CTNNA3: variants seen among roughly 807,000 people sequenced by gnomAD.
CTNNA3 encodes catenin alpha 3, also known as catenin alpha-3.
Under a neutral mutation model 95.7 loss-of-function variants are expected in CTNNA3, and 76 were observed. That is an observed-to-expected ratio of 0.79 (90% CI 0.66 to 0.96). The LOEUF (loss-of-function observed/expected upper bound fraction) is 0.96, where lower values mean the gene tolerates loss of function less well. Ranked by LOEUF, CTNNA3 falls within the 40% of genes least tolerant of loss-of-function variation. CTNNA3 has a pLI of 0.00. For synonymous variants in CTNNA3, 431 were observed against 374.4 expected (o/e 1.15, Z -1.74); for missense variants, 1,191 against 1,089.8 (o/e 1.09, Z -1.31).
chr10:66,485,618 C>A (rs1839699125), intron 11 of CTNNA3, among the ~76,000 whole-genome samples: 1 of 151,918 alleles, frequency 6.6e-6, no homozygotes, highest in Admixed American at 6.6e-5. Context: ...GAAATATGTA[C>A]CATGTACATG....
At chr10:66,380,430 C>A (rs1350787911) in intron 11 of CTNNA3, among the ~76,000 whole-genome samples, 1 of 151,826 alleles carries the variant, frequency 6.6e-6, no homozygotes, top group Non-Finnish European at 1.5e-5. Flanking sequence ...GAAAACACAG[C>A]AAGACCCTTT....
chr10:67,155,524 AAT>A (rs940510750), intron 7 of CTNNA3, among the ~76,000 whole-genome samples: 1 of 91,368 alleles, frequency 1.1e-5, no homozygotes, highest in African/African-American at 6.5e-5. Context: ...TGTTTGTATT[AAT>A]ATATGTGTGT....
At chr10:66,246,210 G>T (rs2090317446) in intron 13 of CTNNA3, among the ~76,000 whole-genome samples, 1 of 152,234 alleles carries the variant, frequency 6.6e-6, no homozygotes, top group African/African-American at 2.4e-5. Context: ...CCAGGCAGCA[G>T]GAGCAGGCAC....
chr10:66,523,374 A>G (rs1056642753), intron 10 of CTNNA3, among the ~76,000 whole-genome samples: 1 of 152,186 alleles, frequency 6.6e-6, no homozygotes, highest in Non-Finnish European at 1.5e-5. Flanking sequence ...ATCTGATTCA[A>G]CACTGCACAC....
intron 7 of CTNNA3, among the ~76,000 whole-genome samples, chr10:66,821,750 TCA>T (rs1283333522): frequency 6.6e-6 from 1 of 152,206 alleles, no homozygotes; most frequent in Non-Finnish European, 1.5e-5. Flanking sequence ...CTGTGAACAC[TCA>T]GTCTGCTAGT....
At chr10:67,105,078 G>T (rs1198577216) in intron 7 of CTNNA3, among the ~76,000 whole-genome samples, 1 of 151,946 alleles carries the variant, frequency 6.6e-6, no homozygotes, top group East Asian at 1.9e-4. Context: ...AAGGGCATGT[G>T]ATTTATTATT....
intron 13 of CTNNA3, among the ~76,000 whole-genome samples, chr10:66,217,900 G>A (rs533864543): frequency 2.7e-5 from 4 of 148,858 alleles, no homozygotes; most frequent in African/African-American, 5.0e-5. Flanking sequence ...ACCAGACTGC[G>A]GGTACCAGAT....
intron 5 of CTNNA3, among the ~76,000 whole-genome samples, chr10:67,235,642 A>G (rs1328583929): frequency 3.5e-5 from 5 of 142,852 alleles, no homozygotes; most frequent in African/African-American, 1.4e-4. Context: ...AGCAATGGCA[A>G]CAAAAGCCAA....
At chr10:67,240,710 A>G (rs1464689880) in intron 5 of CTNNA3, among the ~76,000 whole-genome samples, 1 of 152,200 alleles carries the variant, frequency 6.6e-6, no homozygotes, top group African/African-American at 2.4e-5. Context: ...ATTCTGGGCC[A>G]TTAATGCATA....
chr10:66,909,771 G>T (rs1846143223), intron 7 of CTNNA3, among the ~76,000 whole-genome samples: 1 of 152,080 alleles, frequency 6.6e-6, no homozygotes, highest in African/African-American at 2.4e-5. Flanking sequence ...CACATCTTGG[G>T]TAACAGATTT....
intron 15 of CTNNA3, among the ~76,000 whole-genome samples, chr10:66,016,591 T>A (rs759336932): frequency 1.3e-5 from 2 of 152,196 alleles, no homozygotes; most frequent in African/African-American, 4.8e-5. Flanking sequence ...TGGATTACTG[T>A]CTAAAGAGTG....
Position 66,448,698 on chromosome 10 carries a change from G to A in CTNNA3, c.1532-69346C>T, listed in dbSNP as rs181687568. ...GTTGTGGGGTGGGGGAAGGGGGGTG[G>A]GATAGCATTAGGAGATATATCTGAT... On this transcript the variant is annotated intron_variant, in intron 11 of 17. Coordinates refer to ENST00000433211, the MANE Select transcript of CTNNA3 (RefSeq NM_013266.4). Among the ~76,000 whole-genome samples, 16 of 151,676 alleles carry A rather than the reference G, an allele frequency of 1.1e-4. No homozygotes were observed. The East Asian group carries it at 3.1e-3, about 30-fold the overall frequency.
chr10:66,436,453 T>C (rs1023527084), intron 11 of CTNNA3, among the ~76,000 whole-genome samples: 2 of 151,964 alleles, frequency 1.3e-5, no homozygotes, highest in African/African-American at 2.4e-5. Context: ...TTTTTTATCT[T>C]TGTTGGTTTA....
intron 12 of CTNNA3, among the ~76,000 whole-genome samples, chr10:66,297,172 G>A (rs2091793021): frequency 6.6e-6 from 1 of 152,022 alleles, no homozygotes; most frequent in Admixed American, 6.6e-5. Flanking sequence ...TGGGGGGTTG[G>A]AAGGAATCCA....
intron 7 of CTNNA3, among the ~76,000 whole-genome samples, chr10:66,864,557 C>T (rs1049048390): frequency 6.6e-6 from 1 of 152,246 alleles, no homozygotes. Context: ...TATTAACATA[C>T]ACTAAAGAAA....
chr10:67,218,530 C>T (rs1864495192), intron 6 of CTNNA3, among the ~76,000 whole-genome samples: 1 of 152,142 alleles, frequency 6.6e-6, no homozygotes, highest in Admixed American at 6.5e-5. Flanking sequence ...TTCCTCTATC[C>T]AGTCCCGCTC....
chr10:66,428,839 A>G (rs2093268398), intron 11 of CTNNA3, among the ~76,000 whole-genome samples: 1 of 152,066 alleles, frequency 6.6e-6, no homozygotes, highest in Non-Finnish European at 1.5e-5. Flanking sequence ...TCACAATTAA[A>G]AGAACTAGAA....
intron 13 of CTNNA3, among the ~76,000 whole-genome samples, chr10:66,212,015 A>C (rs2088199144): frequency 8.9e-6 from 1 of 112,334 alleles, no homozygotes; most frequent in African/African-American, 3.6e-5. Flanking sequence ...TTTGAGACAG[A>C]GTCTCACTCT....
chr10:67,514,564 A>G lies in CTNNA3; in HGVS notation c.579+7278T>C, dbSNP rs565972091. Among the ~76,000 whole-genome samples the G allele has an allele frequency of 2.2e-3, 336 of 152,130 alleles. 2 individuals are homozygous for G. Among genetic ancestry groups the G allele is most frequent in the African/African-American group, 7.7e-3 (320 of 41,516 alleles). On this transcript the variant is annotated intron_variant, in intron 5 of 17. Transcript: ENST00000433211. ...TTTAAGTTTTAGGGTACATGTGCAC[A>G]TTATTTCTCCTCAATACCAACTTTT... is the stretch of plus-strand genomic sequence containing the variant.
Sources: allele counts gnomAD v4.1 joint callset (sites outside exome capture counted in the v4.1 genomes callset), GRCh38; gene constraint gnomAD v4.1.1; transcripts MANE v1.5; gene names NCBI Gene and HGNC (gene_info 2026-07-23, HGNC 2026-07-21).